Variants in IGSF21 observed in about 807,000 individuals in gnomAD.
IGSF21 encodes the protein immunoglobin superfamily member 21.
In IGSF21, 28 loss-of-function variants were observed where a neutral mutation model predicts 46.8. The observed-to-expected ratio is 0.60, with a 90% confidence interval of 0.44 to 0.82. The LOEUF is 0.82. Among genes scored for constraint, IGSF21 ranks in the 40% least tolerant of loss-of-function variants. The probability of loss-of-function intolerance (pLI) is 0.00; values close to 1 mark genes in which losing one functional copy is unlikely to be tolerated. For missense variants in IGSF21, 624 were observed against 665.5 expected (o/e 0.94, Z 0.69); for synonymous variants, 284 against 273.6 (o/e 1.04, Z -0.38).
chr1:18,228,810 C>A (rs769952819), intron 2 of IGSF21, among the ~76,000 whole-genome samples: 1 of 152,192 alleles, frequency 6.6e-6, no homozygotes, highest in Non-Finnish European at 1.5e-5. Flanking sequence ...TTGGTGACGA[C>A]TGAGATTGTA....
chr1:18,330,173 C>T (rs2085698148), intron 3 of IGSF21, among the ~76,000 whole-genome samples: 1 of 152,192 alleles, frequency 6.6e-6, no homozygotes, highest in Non-Finnish European at 1.5e-5. Context: ...GAAAGGGAGT[C>T]TCTGGGCCAC....
At chr1:18,288,351 G>A (rs74056591) in intron 2 of IGSF21, among the ~76,000 whole-genome samples, 3,098 of 152,244 alleles carry the variant, frequency 0.02, 123 homozygotes, top group African/African-American at 0.069. Flanking sequence ...GAACATCATT[G>A]GATAACACTT....
intron 1 of IGSF21, among the ~76,000 whole-genome samples, chr1:18,143,199 G>T (rs1394047629): frequency 3.9e-5 from 6 of 152,214 alleles, no homozygotes. Context: ...GCTGCTTGGA[G>T]TGCAGCCGTG....
At chr1:18,226,539 T>G (rs2356003) in intron 1 of IGSF21, among the ~76,000 whole-genome samples, 2 of 152,180 alleles carry the variant, frequency 1.3e-5, no homozygotes, top group Non-Finnish European at 2.9e-5. Flanking sequence ...GTTACAGGCC[T>G]CCCTGGAGTG....
At chr1:18,276,952 C>A (rs1184710660) in intron 2 of IGSF21, among the ~76,000 whole-genome samples, 1 of 152,200 alleles carries the variant, frequency 6.6e-6, no homozygotes, top group Non-Finnish European at 1.5e-5. Context: ...ACTCATCTCT[C>A]CCAGCCCAAT....
At chr1:18,170,603 C>T (rs1315191113) in intron 1 of IGSF21, among the ~76,000 whole-genome samples, 2 of 151,884 alleles carry the variant, frequency 1.3e-5, no homozygotes, top group Non-Finnish European at 2.9e-5. Flanking sequence ...TTATTGTCCC[C>T]ATCTTACAGA....
chr1:18,289,432 T>TG (rs1347977010), intron 2 of IGSF21, among the ~76,000 whole-genome samples: 5 of 152,286 alleles, frequency 3.3e-5, no homozygotes, highest in African/African-American at 1.2e-4. Context: ...CCTGATGGGA[T>TG]GGGATGTGAA....
chr1:18,160,530 C>T (rs966867912), intron 1 of IGSF21, among the ~76,000 whole-genome samples: 2 of 152,162 alleles, frequency 1.3e-5, no homozygotes, highest in Non-Finnish European at 2.9e-5. Context: ...CACTTTCTAG[C>T]TGGGCGAACT....
At chr1:18,229,882 T>G (rs917343776) in intron 2 of IGSF21, among the ~76,000 whole-genome samples, 3 of 152,192 alleles carry the variant, frequency 2.0e-5, no homozygotes, top group Non-Finnish European at 4.4e-5. Context: ...ACCACATCTC[T>G]CCCTCAGCCA....
rs2086105605 is a variant in IGSF21, at chr1:18,107,899, G to C, written c.-230G>C. ...GAGAACCGCGGCGAGCCCCGAGGACGCCCAGAGCGCGAGGGTCGCTGCGCC... is the reference window on the plus strand; with the variant it reads ...GAGAACCGCGGCGAGCCCCGAGGACCCCCAGAGCGCGAGGGTCGCTGCGCC... On this transcript the variant is annotated 5_prime_UTR_variant, in exon 1 of 10. Transcript: ENST00000251296. 5.7e-5 allele frequency: 10 copies of C among 175,418 alleles called. No homozygotes were observed. In the Admixed American group the frequency reaches 6.2e-4, roughly 11 times the overall value. The allele number at this position is 175,418 out of a possible 1,614,324, so 10.9% of individuals were successfully genotyped here.
At chr1:18,314,478 T>C (rs1252588481) in intron 3 of IGSF21, among the ~76,000 whole-genome samples, 1 of 152,206 alleles carries the variant, frequency 6.6e-6, no homozygotes, top group Non-Finnish European at 1.5e-5. Context: ...GCTACTTTAA[T>C]TGAGTGGGTT....
chr1:18,193,159 G>A (rs1353607335), intron 1 of IGSF21, among the ~76,000 whole-genome samples: 3 of 152,134 alleles, frequency 2.0e-5, no homozygotes, highest in Admixed American at 6.5e-5. Context: ...GCTGAGTGAA[G>A]AAAGAACAAG....
Position 18,335,995 on chromosome 1 carries a change from T to C in IGSF21, c.424+985T>C, listed in dbSNP as rs1300665894. Among the ~76,000 whole-genome samples, 1 of 152,150 alleles carries C rather than the reference T, an allele frequency of 6.6e-6. No homozygotes were observed. Among genetic ancestry groups the C allele is most frequent in the Non-Finnish European group, 1.5e-5 (1 of 68,036 alleles). On this transcript the variant is annotated intron_variant, in intron 4 of 9. Coordinates refer to ENST00000251296, the MANE Select transcript of IGSF21 (RefSeq NM_032880.5). This position sits in a 1 kb window ranked among gnomAD's most constrained non-coding sequence, Gnocchi z 4.8. ...AAGGAACTAGCAGCGTTTGGGTGCC[T>C]GGCCCTGGGTTGGCCACACCAGGGA...
intron 2 of IGSF21, among the ~76,000 whole-genome samples, chr1:18,264,543 T>C (rs1293069960): frequency 1.3e-5 from 2 of 152,006 alleles, no homozygotes; most frequent in Non-Finnish European, 2.9e-5. Flanking sequence ...AGAGCAGGGA[T>C]TATTATGCTA....
chr1:18,190,907 C>T (rs2086950041), intron 1 of IGSF21, among the ~76,000 whole-genome samples: 1 of 152,106 alleles, frequency 6.6e-6, no homozygotes, highest in African/African-American at 2.4e-5. Flanking sequence ...GCCAAGTCCT[C>T]TGGAAAAGGC....
At chr1:18,169,573 G>A (rs966539022) in intron 1 of IGSF21, among the ~76,000 whole-genome samples, 3 of 152,226 alleles carry the variant, frequency 2.0e-5, no homozygotes, top group Non-Finnish European at 4.4e-5. Context: ...GAGGATGGCG[G>A]CACAGGTGGC....
intron 1 of IGSF21, among the ~76,000 whole-genome samples, chr1:18,172,793 C>A (rs956304599): frequency 1.3e-5 from 2 of 152,154 alleles, no homozygotes; most frequent in South Asian, 4.1e-4. Flanking sequence ...AAATTAAACT[C>A]ACAGATGTGA....
At chr1:18,331,811 A>T (rs527426763) in intron 3 of IGSF21, among the ~76,000 whole-genome samples, 229 of 152,298 alleles carry the variant, frequency 1.5e-3, no homozygotes, top group African/African-American at 5.2e-3. Flanking sequence ...ATAGTTCAGG[A>T]TCTATTAGGA....
At chr1:18,300,727 T>C (rs960624672) in intron 3 of IGSF21, among the ~76,000 whole-genome samples, 1 of 152,176 alleles carries the variant, frequency 6.6e-6, no homozygotes, top group Non-Finnish European at 1.5e-5. Flanking sequence ...TCCCTGGCCA[T>C]GACACTCTCC....
Sources: gnomAD v4.1 joint callset for allele counts (sites outside exome capture counted in the v4.1 genomes callset) on GRCh38, gnomAD v4.1.1 for gene constraint, Gnocchi (gnomAD v3.1) non-coding constraint, MANE v1.5 for transcripts, NCBI Gene and HGNC (gene_info 2026-07-23, HGNC 2026-07-21) for gene names.